The following ZC4H2 variants were observed in gnomAD, a reference collection of about 807,000 sequenced individuals.
ZC4H2 encodes zinc finger C4H2 domain-containing protein.
For synonymous variants in ZC4H2, 84 were observed against 66.3 expected (o/e 1.27, Z -1.30); for missense variants, 137 against 173.9 (o/e 0.79, Z 1.19).
chrX:64,948,524 A>G (rs1930647479), intron 1 of ZC4H2, among the ~76,000 whole-genome samples: 1 of 111,904 alleles, frequency 8.9e-6, no homozygotes, highest in Non-Finnish European at 1.9e-5. Flanking sequence ...TTAATTTCTG[A>G]AGAACTGAGT....
chrX:64,933,115 T>C (rs1929831214), intron 1 of ZC4H2, among the ~76,000 whole-genome samples: 1 of 111,975 alleles, frequency 8.9e-6, no homozygotes, highest in African/African-American at 3.2e-5. Flanking sequence ...GTCTTCAAGC[T>C]CTGAAATTCT....
chrX:64,976,472 G>A, upstream of ZC4H2: 1 of 983,025 alleles, frequency 1.0e-6, no homozygotes. Context: ...CCGGGCTTGG[G>A]GCTATGAGCC....
chrX:64,962,743 C>T (rs1419045331), intron 1 of ZC4H2, among the ~76,000 whole-genome samples: 1 of 111,650 alleles, frequency 9.0e-6, no homozygotes, highest in Non-Finnish European at 1.9e-5. Context: ...TTTCTGTACA[C>T]TATCAACAAA....
intron 1 of ZC4H2, among the ~76,000 whole-genome samples, chrX:65,002,149 C>T (rs1471868927): frequency 8.9e-6 from 1 of 111,823 alleles, no homozygotes; most frequent in East Asian, 2.8e-4. Flanking sequence ...ATTCTTCTCA[C>T]CAACACAACA....
chrX:64,975,441 C>T (rs1157542283), intron 1 of ZC4H2, among the ~76,000 whole-genome samples: 1 of 111,740 alleles, frequency 8.9e-6, no homozygotes, highest in Admixed American at 9.4e-5. Context: ...CTTGGGTTCT[C>T]AGAAAACACT....
chrX:64,977,780 G>A (rs1270132810), upstream of ZC4H2, among the ~76,000 whole-genome samples: 3 of 112,202 alleles, frequency 2.7e-5, no homozygotes, highest in African/African-American at 9.7e-5. Flanking sequence ...GGGATTACAG[G>A]CATGAGCCAC....
upstream of ZC4H2, among the ~76,000 whole-genome samples, chrX:64,978,864 G>A (rs955007602): frequency 9.0e-6 from 1 of 111,233 alleles, no homozygotes; most frequent in Non-Finnish European, 1.9e-5. Flanking sequence ...GGTTTGTATG[G>A]GATGTGTGGG....
At chrX:64,963,407 G>A (rs1221106316) in intron 1 of ZC4H2, among the ~76,000 whole-genome samples, 3 of 111,493 alleles carry the variant, frequency 2.7e-5, no homozygotes. Flanking sequence ...AAAAGCACAG[G>A]CAACAAAAGC....
intron 4 of ZC4H2, 64 bp downstream of exon 4, chrX:64,918,978 C>T: frequency 9.0e-7 from 1 of 1,116,376 alleles, no homozygotes; most frequent in South Asian, 2.3e-5. Flanking sequence ...CAGAACTAGC[C>T]TTCCACGGCC....
chrX:64,999,032 A>T (rs1932474091), intron 1 of ZC4H2, among the ~76,000 whole-genome samples: 3 of 47,038 alleles, frequency 6.4e-5, no homozygotes, highest in Admixed American at 2.5e-4. Flanking sequence ...ATACAGTTGG[A>T]TTATGTGTTT....
intron 1 of ZC4H2, among the ~76,000 whole-genome samples, chrX:64,997,762 C>T (rs1932447340): frequency 1.8e-5 from 2 of 111,239 alleles, no homozygotes; most frequent in Non-Finnish European, 3.8e-5. Flanking sequence ...CATGGCAGGA[C>T]CACACCACCA....
At chrX:64,963,081 A>G (rs1172700521) in intron 1 of ZC4H2, among the ~76,000 whole-genome samples, 3 of 111,329 alleles carry the variant, frequency 2.7e-5, no homozygotes, top group Non-Finnish European at 5.7e-5. Context: ...TGCCATAAAA[A>G]CAGACATAGA....
intron 1 of ZC4H2, among the ~76,000 whole-genome samples, chrX:65,005,768 AG>A (rs942316451): frequency 4.5e-5 from 5 of 111,348 alleles, no homozygotes; most frequent in African/African-American, 1.6e-4. Flanking sequence ...CAGAGTGAAC[AG>A]GCAACCTACA....
rs748721160 is a variant in ZC4H2, at chrX:64,976,412, T to G, written c.-35A>C. On this transcript the variant is annotated 5_prime_UTR_variant, in exon 1 of 5. Coordinates refer to ENST00000374839, the MANE Select transcript of ZC4H2 (RefSeq NM_018684.4). ...TGTCAATTTCACGTCCCGAGAGATG[T>G]ACAAATACACCAGCCAAGGGATACA... 13 of 1,185,747 alleles carry G rather than the reference T, an allele frequency of 1.1e-5. No homozygotes were observed. Among genetic ancestry groups the G allele is most frequent in the African/African-American group, 1.8e-5 (1 of 56,670 alleles).
rs192947121 is a variant in ZC4H2, at chrX:64,918,232, T to G, written c.562-336A>C. 636 of 158,850 alleles carry G rather than the reference T, an allele frequency of 4.0e-3. 3 individuals carry two copies. Among genetic ancestry groups the G allele is most frequent in the Non-Finnish European group, 7.0e-3 (583 of 83,255 alleles). 13.1% of individuals were successfully genotyped at this position (158,850 alleles called of 1,213,427 possible). ...AGAACAGGGGTCAACAAACATTTTC[T>G]GTAAAGGCCAGGACAGCAAATACTT... is the stretch of plus-strand genomic sequence containing the variant. On this transcript the variant is annotated intron_variant, in intron 4 of 4. Transcript: ENST00000374839.
intron 1 of ZC4H2, among the ~76,000 whole-genome samples, chrX:64,927,445 T>C (rs1392316273): frequency 8.9e-6 from 1 of 111,753 alleles, no homozygotes; most frequent in Non-Finnish European, 1.9e-5. Context: ...TCCATGTCCC[T>C]GCAAAGGACA....
intron 1 of ZC4H2, among the ~76,000 whole-genome samples, chrX:65,014,854 C>CA (rs1404555852): frequency 9.0e-6 from 1 of 111,572 alleles, no homozygotes; most frequent in African/African-American, 3.3e-5. Context: ...ATACAGAAAG[C>CA]AAAAATCACC....
intron 1 of ZC4H2, among the ~76,000 whole-genome samples, chrX:64,961,532 A>G (rs983035787): frequency 1.8e-5 from 2 of 111,584 alleles, no homozygotes; most frequent in African/African-American, 6.5e-5. Context: ...TCAGCTAATA[A>G]TTCTATTAAC....
At chrX:65,008,541 A>G (rs1198867848) in intron 1 of ZC4H2, among the ~76,000 whole-genome samples, 1 of 112,564 alleles carries the variant, frequency 8.9e-6, no homozygotes, top group Non-Finnish European at 1.9e-5. Context: ...TATTCACAAT[A>G]GCCAAGCTAA....
Sources: allele counts gnomAD v4.1 joint callset (sites outside exome capture counted in the v4.1 genomes callset), GRCh38; gene constraint gnomAD v4.1.1; transcripts MANE v1.5; gene names NCBI Gene and HGNC (gene_info 2026-07-23, HGNC 2026-07-21).